Variants in DPP6 observed in about 807,000 individuals in gnomAD.
DPP6 encodes the protein A-type potassium channel modulatory protein DPP6.
Under a neutral mutation model 122.6 loss-of-function variants are expected in DPP6, and 69 were observed. That is an observed-to-expected ratio of 0.56 (90% CI 0.46 to 0.69). The LOEUF (loss-of-function observed/expected upper bound fraction) is 0.69, where lower values mean the gene tolerates loss of function less well. DPP6 is among the 30% of genes least tolerant of loss of function. DPP6 has a pLI of 0.00. For missense variants in DPP6, 928 were observed against 1,116.9 expected (o/e 0.83, Z 2.41); for synonymous variants, 418 against 433.1 (o/e 0.97, Z 0.43).
intron 8 of DPP6, among the ~76,000 whole-genome samples, chr7:154,728,800 G>A (rs149286960): frequency 1.4e-3 from 213 of 152,332 alleles, no homozygotes; most frequent in African/African-American, 4.7e-3. Flanking sequence ...TCACCTGGCA[G>A]AGTAGAGAGA....
chr7:154,344,131 T>C (rs1810184137), intron 1 of DPP6, among the ~76,000 whole-genome samples: 1 of 152,188 alleles, frequency 6.6e-6, no homozygotes, highest in South Asian at 2.1e-4. Context: ...CCAAGCCTTT[T>C]CCTCTCTTAT....
intron 1 of DPP6, among the ~76,000 whole-genome samples, chr7:154,258,016 A>G (rs1246893709): frequency 1.3e-5 from 2 of 152,148 alleles, no homozygotes; most frequent in East Asian, 1.9e-4. Flanking sequence ...TCATTTCCCA[A>G]TGCAGTAGTT....
intron 1 of DPP6, among the ~76,000 whole-genome samples, chr7:154,393,438 A>G (rs1814801106): frequency 6.6e-6 from 1 of 152,178 alleles, no homozygotes; most frequent in African/African-American, 2.4e-5. Context: ...AAGTATTATC[A>G]AAACAAATTT....
chr7:154,721,735 C>T (rs10270824), intron 7 of DPP6, among the ~76,000 whole-genome samples: 11,358 of 151,152 alleles, frequency 0.075, 1,064 homozygotes, highest in African/African-American at 0.22. Flanking sequence ...GTTCTAACCC[C>T]TTCAGAGAGA....
At position 154,760,463 on chromosome 7, in the gene DPP6, G is replaced by T. The variant is rs1047618278; in HGVS notation, c.884-8954G>T. On this transcript the variant is annotated intron_variant, in intron 8 of 25. Coordinates refer to ENST00000377770, the MANE Select transcript of DPP6 (RefSeq NM_130797.4). The surrounding 1 kb of genome is among the most constrained non-coding windows in gnomAD (Gnocchi z 4.5). Reference sequence around the variant, plus strand: ...CAGTTCTCTTATCTCGGGGCGGAGGGAGCGTCAGTGTTTCAGCAGGTTGTT... The same window carrying T: ...CAGTTCTCTTATCTCGGGGCGGAGGTAGCGTCAGTGTTTCAGCAGGTTGTT... Among the ~76,000 whole-genome samples, 15 of 152,112 alleles carry T rather than the reference G, an allele frequency of 9.9e-5. No individual in the cohort carries two copies. Among genetic ancestry groups the T allele is most frequent in the Non-Finnish European group, 1.5e-4 (10 of 68,022 alleles).
At chr7:153,935,300 G>A (rs903415881) in intron 1 of DPP6, among the ~76,000 whole-genome samples, 5 of 152,092 alleles carry the variant, frequency 3.3e-5, no homozygotes, top group East Asian at 1.9e-4. Flanking sequence ...GGCCCTGTCC[G>A]AGAGGGATGC....
intron 1 of DPP6, among the ~76,000 whole-genome samples, chr7:154,295,183 G>C (rs4075742): frequency 6.6e-6 from 1 of 152,202 alleles, no homozygotes; most frequent in African/African-American, 2.4e-5. Flanking sequence ...TCAAACTGTC[G>C]CAGGGTTAGT....
the DPP6 span, among the ~76,000 whole-genome samples, chr7:153,810,254 T>C: frequency 9.2e-5 from 14 of 152,280 alleles, no homozygotes; most frequent in African/African-American, 3.1e-4. Context: ...ATTTCTGGTG[T>C]TGACACATGA....
At chr7:154,309,908 CTG>C (rs1806712233) in intron 1 of DPP6, among the ~76,000 whole-genome samples, 1 of 152,106 alleles carries the variant, frequency 6.6e-6, no homozygotes, top group Non-Finnish European at 1.5e-5. Flanking sequence ...TAAATTCCAT[CTG>C]TGCATGGTCT....
At chr7:154,805,882 G>A (rs974761826) in intron 15 of DPP6, among the ~76,000 whole-genome samples, 2 of 152,202 alleles carry the variant, frequency 1.3e-5, no homozygotes. Context: ...ACACCTAAAG[G>A]CACCTGGGCC....
chr7:154,781,452 G>A (rs942517772), intron 10 of DPP6, among the ~76,000 whole-genome samples: 1 of 152,206 alleles, frequency 6.6e-6, no homozygotes, highest in East Asian at 1.9e-4. Context: ...GGGACAGGCA[G>A]CATGGTCTAT....
At chr7:154,828,726 G>A (rs187527728) in intron 16 of DPP6, among the ~76,000 whole-genome samples, 11 of 152,262 alleles carry the variant, frequency 7.2e-5, no homozygotes, top group Non-Finnish European at 1.3e-4. Flanking sequence ...TGTTTCCCCT[G>A]GGCTCTGACC....
In DPP6 at chr7:153,966,553, GCTTTTTTTTTTTTTTTTT is replaced by G. The variant is rs1458099560; in HGVS notation, c.51+78820_51+78837del. 9.4e-4 allele frequency among the ~76,000 whole-genome samples: 54 copies of G among 57,634 alleles called. 2 individuals carry two copies. The highest frequency in any genetic ancestry group is 2.9e-3 in the African/African-American group (53 of 18,220). The allele number at this position is 57,634 out of a possible 152,430, so 37.8% of individuals were successfully genotyped here. On this transcript the variant is annotated intron_variant, in intron 1 of 25. Transcript: ENST00000404039. ...TAATTAAACGGTCTGTCCTGTGTTG[GCTTTTTTTTTTTTTTTTT>G]TTTTTTTTTTTTTTTTACTGCATAT...
intron 8 of DPP6, among the ~76,000 whole-genome samples, chr7:154,744,085 C>G (rs2131423726): frequency 6.6e-6 from 1 of 152,270 alleles, no homozygotes; most frequent in East Asian, 1.9e-4. Flanking sequence ...TCCACACATC[C>G]TGGATCCTCC....
At chr7:153,941,883 C>G (rs767106316) in intron 1 of DPP6, among the ~76,000 whole-genome samples, 3 of 152,160 alleles carry the variant, frequency 2.0e-5, no homozygotes, top group Non-Finnish European at 4.4e-5. Context: ...GTCTCTCTCT[C>G]CTTTCCTACA....
intron 1 of DPP6, among the ~76,000 whole-genome samples, chr7:153,919,007 A>G (rs1800510892): frequency 1.4e-5 from 2 of 143,382 alleles, no homozygotes; most frequent in Admixed American, 1.4e-4. Context: ...AGAAAATTTG[A>G]GTAATAAAAT....
At chr7:153,964,861 T>TC (rs1373940756) in intron 1 of DPP6, among the ~76,000 whole-genome samples, 1 of 140,486 alleles carries the variant, frequency 7.1e-6, no homozygotes, top group African/African-American at 3.2e-5. Flanking sequence ...CTTTTCCCTT[T>TC]CCTTTCCTTT....
At chr7:154,126,729 C>T (rs1236389472) in intron 1 of DPP6, among the ~76,000 whole-genome samples, 2 of 151,818 alleles carry the variant, frequency 1.3e-5, no homozygotes, top group Non-Finnish European at 2.9e-5. Context: ...TGGTGCAGAA[C>T]GATAGCATTT....
rs1001462377 is a variant in DPP6, at chr7:154,636,951, C to A, written c.628-870C>A. 3.3e-5 allele frequency among the ~76,000 whole-genome samples: 5 copies of A among 152,126 alleles called. 1 individual carries two copies. Among genetic ancestry groups the A allele is most frequent in the African/African-American group, 7.2e-5 (3 of 41,404 alleles). On this transcript the variant is annotated intron_variant, in intron 5 of 25. Transcript: ENST00000377770. ...AGGGCACCAGCTCTCAGAGGTTTCA[C>A]AAGTAAAGGAAAGGGTTGGGGGAAA... is the stretch of plus-strand genomic sequence containing the variant.
Sources: gnomAD v4.1 joint callset for allele counts (sites outside exome capture counted in the v4.1 genomes callset) on GRCh38, gnomAD v4.1.1 for gene constraint, Gnocchi (gnomAD v3.1) non-coding constraint, MANE v1.5 for transcripts, NCBI Gene and HGNC (gene_info 2026-07-23, HGNC 2026-07-21) for gene names.